Variants in FOXP2 observed in about 807,000 individuals in gnomAD.
FOXP2 encodes forkhead box P2.
In FOXP2, 12 loss-of-function variants were observed where a neutral mutation model predicts 115.8. The ratio of observed to expected loss-of-function variants is 0.10; its 90% CI spans 0.07 to 0.17. FOXP2 has a LOEUF of 0.17. Among genes scored for constraint, FOXP2 ranks in the 10% least tolerant of loss-of-function variants. FOXP2 has a pLI of 1.00. For synonymous variants in FOXP2, 328 were observed against 297.7 expected (o/e 1.10, Z -1.05); for missense variants, 629 against 843.5 (o/e 0.75, Z 3.15).
intron 2 of FOXP2, among the ~76,000 whole-genome samples, chr7:114,364,989 G>A (rs1791843661): frequency 6.6e-6 from 1 of 152,136 alleles, no homozygotes; most frequent in Non-Finnish European, 1.5e-5. Flanking sequence ...GCTTAATAAT[G>A]TTGAGTAAGC....
chr7:114,180,065 GT>G (rs1464004253), intron 1 of FOXP2, among the ~76,000 whole-genome samples: 1 of 151,990 alleles, frequency 6.6e-6, no homozygotes. Flanking sequence ...TAACAGGTAT[GT>G]TGGTCTACCT....
At chr7:114,197,419 G>A (rs957079301) in intron 1 of FOXP2, among the ~76,000 whole-genome samples, 1 of 152,162 alleles carries the variant, frequency 6.6e-6, no homozygotes, top group Admixed American at 6.5e-5. Context: ...GAAATAAAGA[G>A]CACAAAGTGC....
At chr7:114,570,296 A>T (rs1801228624) in intron 3 of FOXP2, among the ~76,000 whole-genome samples, 3 of 151,952 alleles carry the variant, frequency 2.0e-5, no homozygotes, top group Admixed American at 2.0e-4. Context: ...ATAATAATGC[A>T]TAACCACAGC....
chr7:114,597,645 G>A (rs980654671), intron 3 of FOXP2, among the ~76,000 whole-genome samples: 10 of 152,122 alleles, frequency 6.6e-5, no homozygotes, highest in Non-Finnish European at 1.2e-4. Flanking sequence ...AGGTTACAGG[G>A]TAATTGGGGC....
chr7:114,290,367 G>A (rs1355658266), intron 2 of FOXP2, among the ~76,000 whole-genome samples: 1 of 151,960 alleles, frequency 6.6e-6, no homozygotes, highest in Non-Finnish European at 1.5e-5. Context: ...CATGTGGGTG[G>A]ATGTGTTTTA....
upstream of FOXP2, among the ~76,000 whole-genome samples, chr7:114,413,664 G>A (rs984455893): frequency 6.6e-6 from 1 of 152,052 alleles, no homozygotes; most frequent in Admixed American, 6.6e-5. Context: ...GAAATTTGCT[G>A]TAATTACTTA....
At chr7:114,118,248 TAG>T (rs1297475653) in intron 1 of FOXP2, among the ~76,000 whole-genome samples, 1 of 152,148 alleles carries the variant, frequency 6.6e-6, no homozygotes, top group African/African-American at 2.4e-5. Flanking sequence ...AATGAATTAA[TAG>T]AGAATTTATG....
At chr7:114,133,674 G>T (rs1791951893) in intron 1 of FOXP2, among the ~76,000 whole-genome samples, 1 of 152,172 alleles carries the variant, frequency 6.6e-6, no homozygotes, top group Non-Finnish European at 1.5e-5. Context: ...TGTGTTATTG[G>T]GTTGGACCAT....
intron 2 of FOXP2, among the ~76,000 whole-genome samples, chr7:114,361,203 A>G (rs533757118): frequency 2.0e-5 from 3 of 152,124 alleles, no homozygotes; most frequent in Non-Finnish European, 4.4e-5. Context: ...TTATATAATA[A>G]ATTATATTTG....
intron 2 of FOXP2, among the ~76,000 whole-genome samples, chr7:114,305,750 T>C (rs1796998633): frequency 6.6e-6 from 1 of 152,184 alleles, no homozygotes; most frequent in Non-Finnish European, 1.5e-5. Flanking sequence ...TAAAGTTTAC[T>C]GTGTTTGCTC....
intron 1 of FOXP2, among the ~76,000 whole-genome samples, chr7:114,256,034 T>C (rs1194327): frequency 0.67 from 101,606 of 152,050 alleles, 34,433 homozygotes; most frequent in Middle Eastern, 0.83. Context: ...CCTATTTCTC[T>C]ACAACCTCAA....
At chr7:114,349,990 A>G (rs1039409131) in intron 2 of FOXP2, among the ~76,000 whole-genome samples, 3 of 152,142 alleles carry the variant, frequency 2.0e-5, no homozygotes, top group Non-Finnish European at 4.4e-5. Context: ...AACTAATACA[A>G]AGATAAAATA....
chr7:114,582,127 C>G (rs769541111), intron 3 of FOXP2, among the ~76,000 whole-genome samples: 4 of 151,976 alleles, frequency 2.6e-5, no homozygotes, highest in African/African-American at 7.3e-5. Flanking sequence ...AGAGGGAAAA[C>G]AAAGTATTGA....
At chr7:114,135,853 T>C (rs985424432) in intron 1 of FOXP2, among the ~76,000 whole-genome samples, 1 of 152,122 alleles carries the variant, frequency 6.6e-6, no homozygotes, top group African/African-American at 2.4e-5. Context: ...GTGAATTTCC[T>C]TCCTAGTTCT....
chr7:114,323,061 A>G (rs111731395), intron 2 of FOXP2, among the ~76,000 whole-genome samples: 164 of 152,284 alleles, frequency 1.1e-3, no homozygotes, highest in African/African-American at 3.8e-3. Flanking sequence ...TTCTGCATAC[A>G]TTAGTTTACA....
chr7:114,533,352 C>T (rs1009744540), intron 2 of FOXP2, among the ~76,000 whole-genome samples: 2 of 151,824 alleles, frequency 1.3e-5, no homozygotes, highest in African/African-American at 4.8e-5. Flanking sequence ...GACTGCCTTC[C>T]CTGAGGGTTA....
intron 6 of FOXP2, among the ~76,000 whole-genome samples, chr7:114,633,303 T>C (rs1227902604): frequency 6.6e-6 from 1 of 152,184 alleles, no homozygotes; most frequent in African/African-American, 2.4e-5. Flanking sequence ...ATCATTCTAA[T>C]AGTTTTCAAA....
chr7:114,213,512 T>C (rs1187743309), intron 1 of FOXP2, among the ~76,000 whole-genome samples: 1 of 152,186 alleles, frequency 6.6e-6, no homozygotes, highest in East Asian at 1.9e-4. Flanking sequence ...ACCTACATAA[T>C]TTGTAAACAT....
At chr7:114,598,130 T>C (rs1221147125) in intron 3 of FOXP2, among the ~76,000 whole-genome samples, 1 of 152,128 alleles carries the variant, frequency 6.6e-6, no homozygotes, top group Admixed American at 6.6e-5. Context: ...TTCTGCTTAA[T>C]TGTGAGTGCT....
Sources: gnomAD v4.1 joint callset for allele counts (sites outside exome capture counted in the v4.1 genomes callset) on GRCh38, gnomAD v4.1.1 for gene constraint, MANE v1.5 for transcripts, NCBI Gene and HGNC (gene_info 2026-07-23, HGNC 2026-07-21) for gene names.